ZNF569: variants seen among roughly 807,000 people sequenced by gnomAD.
The protein encoded by ZNF569 is zinc finger protein 569.
ZNF569 carries 38 observed loss-of-function variants against 56.3 expected under a neutral mutation model. The observed-to-expected ratio is 0.68, with a 90% CI of 0.52 to 0.88. The LOEUF (loss-of-function observed/expected upper bound fraction) is 0.88, where lower values mean the gene tolerates loss of function less well. Among genes scored for constraint, ZNF569 ranks in the 40% least tolerant of loss-of-function variants. ZNF569 has a pLI of 0.00. For synonymous variants in ZNF569, 241 were observed against 262.9 expected, an observed-to-expected ratio of 0.92 and a Z score of 0.81; for missense variants, 666 against 809.2, an observed-to-expected ratio of 0.82 and a Z score of 2.15.
intron 5 of ZNF569, among the ~76,000 whole-genome samples, chr19:37,424,286 T>A (rs1171709006): frequency 6.6e-6 from 1 of 152,066 alleles, no homozygotes; most frequent in Non-Finnish European, 1.5e-5. Context: ...AGTGAATGTA[T>A]GCAAAAAGAA....
chr19:37,417,777 G>T (rs2040958854), intron 5 of ZNF569, among the ~76,000 whole-genome samples: 1 of 152,158 alleles, frequency 6.6e-6, no homozygotes. Context: ...ATGTGTAAGA[G>T]AAGAATTACT....
intron 2 of ZNF569, among the ~76,000 whole-genome samples, chr19:37,450,314 C>T (rs991903034): frequency 6.6e-6 from 1 of 152,172 alleles, no homozygotes; most frequent in African/African-American, 2.4e-5. Flanking sequence ...ATTCCTGATT[C>T]AGTTTCCACA....
At chr19:37,416,487 CCA>C (rs967235485) in intron 5 of ZNF569, among the ~76,000 whole-genome samples, 3 of 152,080 alleles carry the variant, frequency 2.0e-5, no homozygotes, top group Non-Finnish European at 4.4e-5. Context: ...ATACCAAAAT[CCA>C]TGGATGCTCA....
Position 37,412,756 on chromosome 19 carries a change from G to A in ZNF569, c.1902C>T (p.Phe634=), listed in dbSNP as rs762580025. The A allele has an allele frequency of 8.7e-6, 14 of 1,613,198 alleles. No individual in the cohort carries two copies. The highest frequency in any genetic ancestry group is 5.4e-5 in the African/African-American group (4 of 74,760). Residue 634 remains phenylalanine, a synonymous_variant, in exon 6 of 6, where the codon TTC becomes TTT. Coordinates refer to ENST00000316950, the MANE Select transcript of ZNF569 (RefSeq NM_152484.3). ...AGGCTTTTCCACATTTACTACAGTC[G>A]AAGGGTTTCTCACCTGTATGTCCTC... ...HIRGHTGEKP[F]DCSKCGKAFS...
intron 3 of ZNF569, among the ~76,000 whole-genome samples, chr19:37,439,441 C>CATACACTG (rs1177110650): frequency 3.9e-5 from 6 of 152,192 alleles, no homozygotes; most frequent in African/African-American, 1.4e-4. Flanking sequence ...AGGGAACCCT[C>CATACACTG]ATACACTGTT....
At position 37,412,456 on chromosome 19, in the gene ZNF569, C is replaced by A; in HGVS notation, c.*141G>T. On this transcript the variant is annotated 3_prime_UTR_variant, in exon 6 of 6. Coordinates refer to ENST00000316950, the MANE Select transcript of ZNF569 (RefSeq NM_152484.3). ...TAATTTGTCACCTTGGAAGAATTCT[C>A]TAATGTTTCATAAATTTGTGGCTTT... 7.4e-7 allele frequency: 1 copy of A among 1,343,876 alleles called. No homozygotes were observed. Among genetic ancestry groups the A allele is most frequent in the South Asian group, 2.2e-5 (1 of 44,614 alleles). The allele number at this position is 1,343,876 out of a possible 1,614,324, so 83.2% of individuals were successfully genotyped here. A position where few individuals can be genotyped will look rare whatever the true frequency, so the allele number is the denominator to read the frequency against.
chr19:37,417,069 G>C (rs1223851548), intron 5 of ZNF569, among the ~76,000 whole-genome samples: 1 of 152,144 alleles, frequency 6.6e-6, no homozygotes, highest in African/African-American at 2.4e-5. Flanking sequence ...GAAGAGACAA[G>C]AGACATGGAA....
rs943259971 is a variant in ZNF569, at chr19:37,466,556, G to A, written c.-205+528C>T. On this transcript the variant is annotated intron_variant, in intron 1 of 5. Coordinates refer to ENST00000316950, the MANE Select transcript of ZNF569 (RefSeq NM_152484.3). ...GGAGGAGAATTGCTTCTTCCCAGGA[G>A]GCGGAGGTTGCGGTGAGCCAAGATC... 5.3e-5 allele frequency among the ~76,000 whole-genome samples: 8 copies of A among 152,288 alleles called. No individual in the cohort carries two copies. In the South Asian group the frequency reaches 1.7e-3, roughly 32 times the overall value.
At chr19:37,416,140 G>C (rs547877617) in intron 5 of ZNF569, among the ~76,000 whole-genome samples, 2 of 151,902 alleles carry the variant, frequency 1.3e-5, no homozygotes, top group African/African-American at 4.8e-5. Context: ...GGCTGAGATG[G>C]GAGGATCACC....
chr19:37,463,271 T>A (rs978630682), intron 2 of ZNF569, among the ~76,000 whole-genome samples: 2 of 152,200 alleles, frequency 1.3e-5, no homozygotes, highest in African/African-American at 4.8e-5. Flanking sequence ...CAACAACAGA[T>A]CACATATACA....
intron 2 of ZNF569, among the ~76,000 whole-genome samples, chr19:37,456,866 G>A (rs1339397351): frequency 6.6e-6 from 1 of 151,802 alleles, no homozygotes; most frequent in Non-Finnish European, 1.5e-5. Flanking sequence ...TACTCAGGAG[G>A]CTGAGGCAGG....
At position 37,412,677 on chromosome 19, in the gene ZNF569, G is replaced by C. The variant is rs1349841021; in HGVS notation, c.1981C>G (p.Pro661Ala). The C allele has an allele frequency of 1.2e-6, 2 of 1,613,952 alleles. No homozygotes were observed. Among genetic ancestry groups the C allele is most frequent in the Admixed American group, 1.7e-5 (1 of 60,002 alleles). The change falls in exon 6 of 6, where the codon CCC becomes GCC. Residue 661 changes from proline (P) to alanine (A), a missense_variant. Pro to Ala is a conservative substitution (Grantham distance 27, BLOSUM62 -1). Transcript: ENST00000316950. ...TTGCCACACTCAATACAGTGATAGG[G>C]CTTCTCACCTGTATGTTTTCTCATA... ...LHMRKHTGEK[P>A]YHCIECGKAF...
At chr19:37,420,319 T>C (rs554209853) in intron 5 of ZNF569, among the ~76,000 whole-genome samples, 41 of 152,112 alleles carry the variant, frequency 2.7e-4, no homozygotes, top group Non-Finnish European at 4.3e-4. Context: ...AAGAGTCACA[T>C]TGATTGACTT....
At chr19:37,414,996 C>A (rs1156709253) in intron 5 of ZNF569, among the ~76,000 whole-genome samples, 1 of 152,006 alleles carries the variant, frequency 6.6e-6, no homozygotes, top group Non-Finnish European at 1.5e-5. Context: ...CCTATGCTGT[C>A]TAAAATGTTG....
intron 4 of ZNF569, 124 bp from the exon 5 acceptor site, chr19:37,426,087 C>T (rs2146889469): frequency 7.6e-7 from 1 of 1,307,298 alleles, no homozygotes; most frequent in East Asian, 2.3e-5. Flanking sequence ...GGGGTTCTGT[C>T]CCCTTTTGCT....
intron 2 of ZNF569, among the ~76,000 whole-genome samples, chr19:37,447,608 G>C (rs1295213010): frequency 6.6e-6 from 1 of 151,974 alleles, no homozygotes; most frequent in Non-Finnish European, 1.5e-5. Context: ...TTATTGCACT[G>C]GCTAGGAATT....
chr19:37,466,558 C>T (rs542631241), intron 1 of ZNF569, among the ~76,000 whole-genome samples: 9 of 152,050 alleles, frequency 5.9e-5, no homozygotes, highest in Non-Finnish European at 1.3e-4. Flanking sequence ...TCCCAGGAGG[C>T]GGAGGTTGCG....
At chr19:37,429,230 A>G (rs1194145945) in intron 3 of ZNF569, among the ~76,000 whole-genome samples, 1 of 152,200 alleles carries the variant, frequency 6.6e-6, no homozygotes, top group Non-Finnish European at 1.5e-5. Flanking sequence ...AAGTGAACAT[A>G]AAGGCACGAG....
chr19:37,460,241 T>C (rs2041735553), intron 2 of ZNF569, among the ~76,000 whole-genome samples: 2 of 152,190 alleles, frequency 1.3e-5, no homozygotes, highest in East Asian at 3.9e-4. Context: ...CTCTGTCTCC[T>C]GGGTTCAAGC....
Sources: gnomAD v4.1 joint callset for allele counts (sites outside exome capture counted in the v4.1 genomes callset) on GRCh38, gnomAD v4.1.1 for gene constraint, MANE v1.5 for transcripts, NCBI Gene and HGNC (gene_info 2026-07-23, HGNC 2026-07-21) for gene names.